MINK1: variants seen among roughly 807,000 people sequenced by gnomAD.
MINK1 encodes the protein misshapen like kinase 1, also known as misshapen-like kinase 1.
In MINK1, 46 loss-of-function variants were observed where a neutral mutation model predicts 178.4. That is an observed-to-expected ratio of 0.26 (90% CI 0.20 to 0.33). The LOEUF is 0.33. MINK1 is among the 10% of genes least tolerant of loss of function. The pLI is 1.00. For synonymous variants in MINK1, 797 were observed against 709.7 expected (o/e 1.12, Z -1.96); for missense variants, 1,366 against 1,814.9 (o/e 0.75, Z 4.49).
chr17:4,895,982 C>T lies in MINK1; in HGVS notation c.3365-21C>T, dbSNP rs780315069. ...GCGCAAGAAGGGAAGTCTCAGCATCCCTCTTCTCTCCCGCCCCCAGTGAAA... is the reference window on the plus strand; with the variant it reads ...GCGCAAGAAGGGAAGTCTCAGCATCTCTCTTCTCTCCCGCCCCCAGTGAAA... On this transcript the variant is annotated intron_variant, in intron 27 of 31. Coordinates refer to ENST00000355280, the MANE Select transcript of MINK1 (RefSeq NM_153827.5). The surrounding 1 kb of genome is among the most constrained non-coding windows in gnomAD (Gnocchi z 4.3). 7 of 1,579,304 alleles carry T rather than the reference C, an allele frequency of 4.4e-6. No individual in the cohort carries two copies. The Admixed American group carries it at 1.1e-4, about 25-fold the overall frequency.
intron 1 of MINK1, among the ~76,000 whole-genome samples, chr17:4,844,817 A>T (rs11652179): frequency 1.3e-5 from 2 of 152,040 alleles, no homozygotes; most frequent in Non-Finnish European, 2.9e-5. Context: ...ATTTCCCCCC[A>T]CCCTTTAAAA....
At chr17:4,861,586 C>A in intron 1 of MINK1, 1 of 204,480 alleles carries the variant, frequency 4.9e-6, no homozygotes, top group Non-Finnish European at 1.1e-5. Flanking sequence ...CTGTAACCTC[C>A]GCCTCCTGGG....
At chr17:4,868,840 C>T in intron 1 of MINK1, 1 of 345,610 alleles carries the variant, frequency 2.9e-6, no homozygotes, top group Non-Finnish European at 6.0e-6. Flanking sequence ...GCCTCAACCT[C>T]CCAGGCTCAA....
chr17:4,888,666 GATAGT>G (rs1968457076), intron 12 of MINK1, among the ~76,000 whole-genome samples: 2 of 148,146 alleles, frequency 1.4e-5, no homozygotes, highest in South Asian at 2.1e-4. Flanking sequence ...ATAGCGTTCA[GATAGT>G]ATAGTAACAA....
At chr17:4,890,432 G>T in intron 13 of MINK1, 85 bp from the exon 14 acceptor site, 1 of 1,505,316 alleles carries the variant, frequency 6.6e-7, no homozygotes, top group Admixed American at 2.1e-5. Context: ...TCCTCTCTAG[G>T]CAGTTGGAGA....
intron 14 of MINK1, 38 bp from the exon 15 acceptor site, chr17:4,890,913 G>A: frequency 6.4e-7 from 1 of 1,551,288 alleles, no homozygotes; most frequent in Non-Finnish European, 8.7e-7. Context: ...GAACAGGGAG[G>A]CAAGAGCTGG....
rs1392076936 is a variant in MINK1, at chr17:4,895,653, T to G, written c.3230-45T>G. 6.2e-7 allele frequency: 1 copy of G among 1,602,988 alleles called. No homozygotes were observed. The highest frequency in any genetic ancestry group is 1.7e-5 in the Admixed American group (1 of 58,966). Reference sequence around the variant, plus strand: ...AGGCCAGGGCGGTGGCATTCGGGCCTCAGATGAGAATGGGGGCGGGTGTGT... The same window carrying G: ...AGGCCAGGGCGGTGGCATTCGGGCCGCAGATGAGAATGGGGGCGGGTGTGT... On this transcript the variant is annotated intron_variant, in intron 26 of 31. Coordinates refer to ENST00000355280, the MANE Select transcript of MINK1 (RefSeq NM_153827.5). This position sits in a 1 kb window ranked among gnomAD's most constrained non-coding sequence, Gnocchi z 4.3.
Position 4,887,824 on chromosome 17 carries a change from G to T in MINK1, c.1230+34G>T, listed in dbSNP as rs761311459. The T allele has an allele frequency of 1.4e-6, 2 of 1,447,358 alleles. No individual in the cohort carries two copies. The highest frequency in any genetic ancestry group is 5.9e-5 in the Admixed American group (2 of 34,002). 89.7% of individuals were successfully genotyped at this position (1,447,358 alleles called of 1,614,324 possible). ...TCTCCGAAGGGCCCAGGCCTGGCGC[G>T]GCCTCCTCCTGACCTGCCCCGGGTC... On this transcript the variant is annotated intron_variant, in intron 12 of 31. Coordinates refer to ENST00000355280, the MANE Select transcript of MINK1 (RefSeq NM_153827.5). The surrounding 1 kb of genome is among the most constrained non-coding windows in gnomAD (Gnocchi z 7.6).
chr17:4,897,251 C>T lies in MINK1; in HGVS notation c.3963C>T (p.Phe1321=). The T allele has an allele frequency of 6.2e-7, 1 of 1,613,842 alleles. No individual in the cohort carries two copies. Among genetic ancestry groups the T allele is most frequent in the East Asian group, 2.2e-5 (1 of 44,876 alleles). ...CTGGGGGCAGCAGCCAAGTTTACTT[C>T]ATGACTCTGAACCGTAACTGCATCA... is the stretch of plus-strand genomic sequence containing the variant. ...VRSGGSSQVY[F]MTLNRNCIMN... The change falls in exon 32 of 32, where the codon TTC becomes TTT. Residue 1321 remains phenylalanine, a synonymous_variant. Coordinates refer to ENST00000355280, the MANE Select transcript of MINK1 (RefSeq NM_153827.5).
chr17:4,843,172 G>C (rs1055541225), intron 1 of MINK1, among the ~76,000 whole-genome samples: 7 of 152,134 alleles, frequency 4.6e-5, no homozygotes, highest in South Asian at 4.1e-4. Context: ...GAACAGGCAG[G>C]ATGTGGATCA....
At position 4,833,754 on chromosome 17, in the gene MINK1, C is replaced by G; in HGVS notation, c.57+114C>G. 4 of 809,756 alleles carry G rather than the reference C, an allele frequency of 4.9e-6. No individual in the cohort carries two copies. Among genetic ancestry groups the G allele is most frequent in the Non-Finnish European group, 5.4e-6 (3 of 556,804 alleles). The allele number at this position is 809,756 out of a possible 1,614,324, so 50.2% of individuals were successfully genotyped here. A position where few individuals can be genotyped will look rare whatever the true frequency, so the allele number is the denominator to read the frequency against. On this transcript the variant is annotated intron_variant, in intron 1 of 31. Transcript: ENST00000355280. This position sits in a 1 kb window ranked among gnomAD's most constrained non-coding sequence, Gnocchi z 4.8. Reference sequence around the variant, plus strand: ...GGCGCCCCCTCCACCAGCTTGGGTCCCCTTGGCGACCCGTGCCCCTTTCCC... The same window carrying G: ...GGCGCCCCCTCCACCAGCTTGGGTCGCCTTGGCGACCCGTGCCCCTTTCCC...
chr17:4,867,471 G>A (rs1915202108), intron 1 of MINK1, among the ~76,000 whole-genome samples: 1 of 151,924 alleles, frequency 6.6e-6, no homozygotes, highest in African/African-American at 2.4e-5. Flanking sequence ...GCAACATAGT[G>A]AGACCTAGCT....
At chr17:4,841,362 A>G (rs1910191568) in intron 1 of MINK1, among the ~76,000 whole-genome samples, 1 of 152,108 alleles carries the variant, frequency 6.6e-6, no homozygotes, top group Admixed American at 6.5e-5. Context: ...TGGGATTTGA[A>G]GGGCTTGGGT....
rs1163562084 is a variant in MINK1 at position 4,895,138 on chromosome 17, T to C, written c.2981T>C (p.Val994Ala). ...CAGTACGACGTGAGGAAGGGTTCTG[T>C]GGTCAACGTGAATCCCACCAACACC... ...QLQYDVRKGS[V>A]VNVNPTNTRA... The change falls in exon 25 of 32, where the codon GTG becomes GCG. Residue 994 changes from valine (V) to alanine (A), a missense_variant. This residue lies in a region of MINK1 where 42 missense variants were observed against 64.0 expected (regional missense o/e 0.66). Transcript: ENST00000355280. This position sits in a 1 kb window ranked among gnomAD's most constrained non-coding sequence, Gnocchi z 4.3. 2 of 1,613,872 alleles carry C rather than the reference T, an allele frequency of 1.2e-6. No homozygotes were observed. The highest frequency in any genetic ancestry group is 1.7e-6 in the Non-Finnish European group (2 of 1,179,998).
intron 2 of MINK1, among the ~76,000 whole-genome samples, chr17:4,879,476 G>A (rs1381107304): frequency 2.0e-5 from 3 of 152,154 alleles, no homozygotes; most frequent in Non-Finnish European, 2.9e-5. Flanking sequence ...CACCCCACCC[G>A]CAATCTCTTG....
Position 4,897,345 on chromosome 17 carries a change from C to T in MINK1, c.*58C>T. 1 of 1,513,288 alleles carries T rather than the reference C, an allele frequency of 6.6e-7. No homozygotes were observed. Among genetic ancestry groups the T allele is most frequent in the Non-Finnish European group, 9.1e-7 (1 of 1,093,974 alleles). The allele number at this position is 1,513,288 out of a possible 1,614,324, so 93.7% of individuals were successfully genotyped here. On this transcript the variant is annotated 3_prime_UTR_variant, in exon 32 of 32. Transcript: ENST00000355280. ...ACCCAGCTCTCCCCCTGCAGCCAGG[C>T]TTCCCGGGCCGCCCCTCTTTCCCCT...
rs746274780 is a variant in MINK1 at position 4,891,109 on chromosome 17, G to A, written c.1725G>A (p.Gln575=). The change falls in exon 15 of 32, where the codon CAG becomes CAA. Residue 575 remains glutamine, a synonymous_variant. Transcript: ENST00000355280. ...CTATGCAGAGGCCGGTGGAGCCCCAGGAGGGACCGCACAAGGTGAGTCTCT... is the reference window on the plus strand; with the variant it reads ...CTATGCAGAGGCCGGTGGAGCCCCAAGAGGGACCGCACAAGGTGAGTCTCT... The part of the protein sequence containing the change: ...TPPMQRPVEP[Q]EGPHKSLVAH... The A allele has an allele frequency of 6.5e-7, 1 of 1,539,106 alleles. No individual in the cohort carries two copies.
At chr17:4,890,441 G>A (rs560257290) in intron 13 of MINK1, 76 bp from the exon 14 acceptor site, 2 of 1,513,374 alleles carry the variant, frequency 1.3e-6, no homozygotes, top group African/African-American at 2.8e-5. Context: ...GGCAGTTGGA[G>A]AAAAGAGAGG....
At position 4,897,217 on chromosome 17, in the gene MINK1, C is replaced by T. The variant is rs774790111; in HGVS notation, c.3929C>T (p.Ser1310Leu). 6.2e-7 allele frequency: 1 copy of T among 1,613,600 alleles called. No homozygotes were observed. Reference sequence around the variant, plus strand: ...TGCCCCACCCAGGTGTTTTTTGCCTCAGTCCGCTCTGGGGGCAGCAGCCAA... The same window carrying T: ...TGCCCCACCCAGGTGTTTTTTGCCTTAGTCCGCTCTGGGGGCAGCAGCCAA... Reference protein sequence around the residue: ...CERNDKVFFASVRSGGSSQVY... With the variant: ...CERNDKVFFALVRSGGSSQVY... Residue 1310 changes from serine to leucine, a missense_variant, in exon 32 of 32, where the codon TCA (serine) becomes TTA (leucine). Around this residue, in one of 14 missense-constraint regions of MINK1, gnomAD observed 201 missense variants for 240.7 expected, o/e 0.84. Coordinates refer to ENST00000355280, the MANE Select transcript of MINK1 (RefSeq NM_153827.5).
Sources: allele counts gnomAD v4.1 joint callset (sites outside exome capture counted in the v4.1 genomes callset), GRCh38; gene constraint gnomAD v4.1.1; regional missense constraint gnomAD v4.1.1; non-coding constraint Gnocchi (gnomAD v3.1); transcripts MANE v1.5; gene names NCBI Gene and HGNC (gene_info 2026-07-23, HGNC 2026-07-21).